Variants in PPP2R3C observed in about 807,000 individuals in gnomAD.
PPP2R3C encodes serine/threonine-protein phosphatase 2A regulatory subunit B'' subunit gamma.
A neutral mutation model predicts 63.7 loss-of-function variants in PPP2R3C; 47 were observed. The observed-to-expected ratio is 0.74, with a 90% CI of 0.58 to 0.94. The LOEUF (loss-of-function observed/expected upper bound fraction) is 0.94. Among genes scored for constraint, PPP2R3C ranks in the 40% least tolerant of loss-of-function variants. The probability of loss-of-function intolerance (pLI) is 0.00; values close to 1 mark genes in which losing one functional copy is unlikely to be tolerated. For missense variants in PPP2R3C, 421 were observed against 518.4 expected, an observed-to-expected ratio of 0.81 and a Z score of 1.82; for synonymous variants, 180 against 177.4, an observed-to-expected ratio of 1.01 and a Z score of -0.12.
chr14:35,091,122 TC>T lies in PPP2R3C; in HGVS notation c.1060del (p.Asp354IlefsTer8). 6.2e-7 allele frequency: 1 copy of T among 1,608,230 alleles called. No individual in the cohort carries two copies. ...AALQYIFKLL[D>X]IENKGYLNVF... ...ATTCAGGTATCCTTTGTTCTCAATA[TC>T]AAGCAGTTTGAAAATATATTGTAGA... On this transcript the variant is annotated frameshift_variant, in exon 11 of 13. Transcript: ENST00000261475. LOFTEE classifies it high-confidence loss of function.
At chr14:35,109,293 G>A (rs749518796) in intron 4 of PPP2R3C, among the ~76,000 whole-genome samples, 11 of 152,096 alleles carry the variant, frequency 7.2e-5, no homozygotes, top group Non-Finnish European at 1.5e-4. Flanking sequence ...TTGACCTCGT[G>A]ATCCGCTCAC....
At position 35,091,080 on chromosome 14, in the gene PPP2R3C, T is replaced by G; in HGVS notation, c.1103A>C (p.Tyr368Ser). The G allele has an allele frequency of 6.2e-7, 1 of 1,602,470 alleles. No homozygotes were observed. Among genetic ancestry groups the G allele is most frequent in the South Asian group, 1.1e-5 (1 of 90,042 alleles). ...GCAAATGAGACTTACCCTAAAGAAA[T>G]AATTAAGTGAAAAGACATTCAGGTA... The part of the protein sequence containing the change: ...KGYLNVFSLN[Y>S]FFRAIQELMK... Residue 368 changes from tyrosine to serine, a missense_variant, in exon 11 of 13, where the codon TAT becomes TCT. Physicochemically the swap from Tyr to Ser is moderately radical, Grantham distance 144. Coordinates refer to ENST00000261475, the MANE Select transcript of PPP2R3C (RefSeq NM_017917.4).
chr14:35,098,082 T>C (rs1470804416), intron 7 of PPP2R3C, among the ~76,000 whole-genome samples: 2 of 152,172 alleles, frequency 1.3e-5, no homozygotes, highest in African/African-American at 4.8e-5. Flanking sequence ...TGATATTATT[T>C]TGTAAAATTT....
intron 10 of PPP2R3C, among the ~76,000 whole-genome samples, chr14:35,093,643 T>C (rs2045904328): frequency 6.6e-6 from 1 of 152,106 alleles, no homozygotes; most frequent in African/African-American, 2.4e-5. Context: ...TTTGGGAAAT[T>C]TATCAGATTC....
At position 35,109,848 on chromosome 14, in the gene PPP2R3C, C is replaced by T. The variant is rs779086462; in HGVS notation, c.375G>A (p.Lys125=). 6.2e-7 allele frequency: 1 copy of T among 1,605,668 alleles called. No homozygotes were observed. Among genetic ancestry groups the T allele is most frequent in the Non-Finnish European group, 8.5e-7 (1 of 1,172,702 alleles). ...EAMINYENFL[K]VGEKAGAKCK... ...ACTTTGCTCCAGCCTTTTCACCAAC[C>T]TTCAAAAAGTTTTCGTAATTGATCA... The change falls in exon 4 of 13, where the codon AAG becomes AAA. Residue 125 remains lysine, a synonymous_variant. Coordinates refer to ENST00000261475, the MANE Select transcript of PPP2R3C (RefSeq NM_017917.4).
intron 1 of PPP2R3C, among the ~76,000 whole-genome samples, chr14:35,120,142 G>A (rs2046823674): frequency 6.8e-6 from 1 of 146,728 alleles, no homozygotes; most frequent in East Asian, 2.1e-4. Flanking sequence ...CCCGGCATCA[G>A]TTCATCATTT....
At chr14:35,115,505 CTGGAG>C (rs1017816332) in intron 2 of PPP2R3C, among the ~76,000 whole-genome samples, 1 of 152,060 alleles carries the variant, frequency 6.6e-6, no homozygotes, top group Non-Finnish European at 1.5e-5. Flanking sequence ...ATCACCCAGG[CTGGAG>C]TGCAGTGACC....
rs185477142 is a variant in PPP2R3C at position 35,097,809 on chromosome 14, G to T, written c.707-1045C>A. Among the ~76,000 whole-genome samples, 845 of 151,624 alleles carry T rather than the reference G, an allele frequency of 5.6e-3. 10 individuals carry two copies. Among genetic ancestry groups the T allele is most frequent in the South Asian group, 0.049 (237 of 4,792 alleles). On this transcript the variant is annotated intron_variant, in intron 7 of 12. Transcript: ENST00000261475. The stretch of plus-strand genomic sequence containing the variant: ...GCTGCTGCTTTTTTGTACAGAAGAG[G>T]TCTGTCTTGCCAGGGCTGGTCTTGA...
Position 35,109,853 on chromosome 14 carries a change from A to G in PPP2R3C, c.370T>C (p.Leu124=), listed in dbSNP as rs1378542262. The G allele has an allele frequency of 2.5e-6, 4 of 1,609,162 alleles. No individual in the cohort carries two copies. Among genetic ancestry groups the G allele is most frequent in the East Asian group, 2.2e-5 (1 of 44,846 alleles). The change falls in exon 4 of 13, where the codon TTG becomes CTG. Residue 124 remains leucine (L), a synonymous_variant. Transcript: ENST00000261475. ...EEAMINYENF[L]KVGEKAGAKC... is the part of the protein sequence containing the mutation. ...GCTCCAGCCTTTTCACCAACCTTCA[A>G]AAAGTTTTCGTAATTGATCATCGCT...
chr14:35,090,686 G>C (rs1424867936), intron 11 of PPP2R3C, among the ~76,000 whole-genome samples: 3 of 149,212 alleles, frequency 2.0e-5, no homozygotes, highest in Non-Finnish European at 4.4e-5. Flanking sequence ...TTTCCCTCTA[G>C]CCACTGCTTT....
At chr14:35,104,390 G>A (rs1015517220) in intron 6 of PPP2R3C, among the ~76,000 whole-genome samples, 1 of 152,090 alleles carries the variant, frequency 6.6e-6, no homozygotes, top group Non-Finnish European at 1.5e-5. Flanking sequence ...GGAACCATAC[G>A]AACTATAACA....
chr14:35,121,821 T>C, intron 1 of PPP2R3C, 81 bp downstream of exon 1: 1 of 1,502,336 alleles, frequency 6.7e-7, no homozygotes, highest in Non-Finnish European at 9.2e-7. Context: ...GGCTCCCCCT[T>C]GCTCCTCCTC....
intron 2 of PPP2R3C, among the ~76,000 whole-genome samples, chr14:35,116,392 C>T (rs1348880845): frequency 6.6e-6 from 1 of 152,094 alleles, no homozygotes; most frequent in African/African-American, 2.4e-5. Context: ...GCTAGGACTA[C>T]AGGCATGCAT....
intron 6 of PPP2R3C, chr14:35,099,644 C>T: frequency 3.1e-6 from 1 of 320,864 alleles, no homozygotes. Flanking sequence ...TATTTCTTCT[C>T]CCCAAAGGTT....
chr14:35,089,140 G>C (rs1455242713), intron 11 of PPP2R3C, among the ~76,000 whole-genome samples: 1 of 152,064 alleles, frequency 6.6e-6, no homozygotes, highest in Non-Finnish European at 1.5e-5. Flanking sequence ...GTCTTACTCT[G>C]TCATTCAGGC....
chr14:35,100,269 GGCTAA>G (rs2046142982), intron 6 of PPP2R3C: 1 of 151,982 alleles, frequency 6.6e-6, no homozygotes, highest in African/African-American at 2.4e-5. Context: ...ATACCATAAG[GGCTAA>G]GCTAATTATT....
At chr14:35,103,685 A>G (rs1287391060) in intron 6 of PPP2R3C, among the ~76,000 whole-genome samples, 1 of 152,212 alleles carries the variant, frequency 6.6e-6, no homozygotes, top group Non-Finnish European at 1.5e-5. Flanking sequence ...AACAAAAAAA[A>G]GAAAAAAAAG....
intron 6 of PPP2R3C, among the ~76,000 whole-genome samples, chr14:35,105,831 T>C (rs1462282744): frequency 1.3e-5 from 2 of 151,896 alleles, no homozygotes; most frequent in African/African-American, 4.8e-5. Flanking sequence ...TTTACCAACA[T>C]CTCCTTGTCT....
chr14:35,105,623 C>T (rs1341885238), intron 6 of PPP2R3C, among the ~76,000 whole-genome samples: 1 of 151,644 alleles, frequency 6.6e-6, no homozygotes, highest in Non-Finnish European at 1.5e-5. Flanking sequence ...AAAACGGAAA[C>T]ATCCTGTGTC....
Sources: allele counts gnomAD v4.1 joint callset (sites outside exome capture counted in the v4.1 genomes callset), GRCh38; gene constraint gnomAD v4.1.1; transcripts MANE v1.5; gene names NCBI Gene and HGNC (gene_info 2026-07-23, HGNC 2026-07-21).